SOD2: variants seen among roughly 807,000 people sequenced by gnomAD.
SOD2 encodes the protein superoxide dismutase [Mn], mitochondrial.
SOD2 carries 11 observed loss-of-function variants against 27.0 expected under a neutral mutation model. That is an observed-to-expected ratio of 0.41 (90% confidence interval 0.26 to 0.67). The LOEUF is 0.67. SOD2 is among the 30% of genes least tolerant of loss of function. The pLI, the probability that SOD2 is intolerant of heterozygous loss-of-function variation, is 0.34. For missense variants in SOD2, 250 were observed against 274.5 expected (o/e 0.91, Z 0.63); for synonymous variants, 105 against 103.0 (o/e 1.02, Z -0.12).
intron 1 of SOD2, among the ~76,000 whole-genome samples, chr6:159,751,786 G>C (rs1779830168): frequency 6.6e-6 from 1 of 152,164 alleles, no homozygotes; most frequent in South Asian, 2.1e-4. Context: ...ATGCAGCCAG[G>C]CACGGTGGCT....
chr6:159,761,988 G>T, exon 1 of SOD2: 3 of 1,377,450 alleles, frequency 2.2e-6, no homozygotes, highest in Non-Finnish European at 3.0e-6. Flanking sequence ...CGAGGGGCGG[G>T]GCTACCTCAG....
chr6:159,702,295 ATTT>A (rs112350033), intron 1 of SOD2, among the ~76,000 whole-genome samples: 1 of 142,648 alleles, frequency 7.0e-6, no homozygotes. Context: ...TCTGTATAAA[ATTT>A]TTTTTTTTTT....
upstream of SOD2, among the ~76,000 whole-genome samples, chr6:159,694,490 T>A (rs1181045826): frequency 1.3e-5 from 2 of 152,210 alleles, no homozygotes; most frequent in Non-Finnish European, 2.9e-5. Flanking sequence ...CAGGAAGGGC[T>A]GGGCTTGTTT....
intron 1 of SOD2, among the ~76,000 whole-genome samples, chr6:159,741,417 A>G (rs911843607): frequency 2.0e-5 from 3 of 152,332 alleles, no homozygotes; most frequent in Admixed American, 1.3e-4. Flanking sequence ...AAAAGAGCCA[A>G]GATAAAGAAC....
rs1263467292 is a variant in SOD2, at chr6:159,705,245, C to T, written c.-115-12382G>A. Among the ~76,000 whole-genome samples, 3 of 152,232 alleles carry T rather than the reference C, an allele frequency of 2.0e-5. No homozygotes were observed. In the South Asian group the frequency reaches 6.2e-4, roughly 32 times the overall value. On this transcript the variant is annotated intron_variant, in intron 1 of 2. Transcript: ENST00000401980. ...ATCTCCAAAGGAACACAGCTCCTCACCAGCAATGGAACAAAGCTGGACAGA... is the reference window on the plus strand; with the variant it reads ...ATCTCCAAAGGAACACAGCTCCTCATCAGCAATGGAACAAAGCTGGACAGA...
chr6:159,706,891 A>G (rs1005356660), intron 1 of SOD2, among the ~76,000 whole-genome samples: 7 of 152,232 alleles, frequency 4.6e-5, no homozygotes, highest in Non-Finnish European at 1.0e-4. Context: ...CAGCAAATGT[A>G]AAAGAACAGA....
intron 1 of SOD2, chr6:159,755,767 T>C: frequency 2.9e-6 from 1 of 343,092 alleles, no homozygotes; most frequent in Non-Finnish European, 4.0e-6. Flanking sequence ...TTTCTTTTCT[T>C]TTTTTTTTTT....
intron 1 of SOD2, among the ~76,000 whole-genome samples, chr6:159,708,511 C>T (rs1390656747): frequency 1.3e-5 from 2 of 152,282 alleles, no homozygotes; most frequent in Middle Eastern, 3.4e-3. Flanking sequence ...AGTGAACTCC[C>T]ATTCACAATT....
intron 1 of SOD2, chr6:159,743,645 ATT>A: frequency 6.4e-7 from 1 of 1,556,836 alleles, no homozygotes; most frequent in Non-Finnish European, 8.7e-7. Flanking sequence ...TGTATTTATA[ATT>A]TTTTTTTGAA....
chr6:159,752,012 G>A (rs1256680477), intron 1 of SOD2, among the ~76,000 whole-genome samples: 1 of 149,860 alleles, frequency 6.7e-6, no homozygotes, highest in Non-Finnish European at 1.5e-5. Context: ...CCAGTGAGCT[G>A]AGATCACGCC....
upstream of SOD2, among the ~76,000 whole-genome samples, chr6:159,729,386 A>C (rs1382886128): frequency 6.6e-6 from 1 of 152,224 alleles, no homozygotes; most frequent in Non-Finnish European, 1.5e-5. Flanking sequence ...TTAACACAGA[A>C]AAACTTTTCA....
At chr6:159,734,068 G>A (rs943040340) in intron 1 of SOD2, among the ~76,000 whole-genome samples, 1 of 152,184 alleles carries the variant, frequency 6.6e-6, no homozygotes, top group East Asian at 1.9e-4. Context: ...CATTTATAAA[G>A]TGGAGTTGAG....
chr6:159,694,055 C>T (rs1292882558), upstream of SOD2, among the ~76,000 whole-genome samples: 3 of 152,210 alleles, frequency 2.0e-5, no homozygotes, highest in Non-Finnish European at 2.9e-5. Context: ...TTCTCCTGGG[C>T]ACAGTTAACT....
intron 1 of SOD2, chr6:159,755,018 C>G: frequency 1.3e-6 from 2 of 1,599,986 alleles, no homozygotes; most frequent in Non-Finnish European, 1.7e-6. Flanking sequence ...TCTGACTCTC[C>G]TTTGCACAGA....
intron 2 of SOD2, 67 bp from the exon 3 acceptor site, chr6:159,688,309 A>AT: frequency 1.1e-6 from 1 of 943,286 alleles, no homozygotes. Flanking sequence ...TATACATTAT[A>AT]TTTTTTTCTT....
At chr6:159,760,233 AAG>A (rs1156460312) in intron 1 of SOD2, 1 of 152,186 alleles carries the variant, frequency 6.6e-6, no homozygotes. Flanking sequence ...AACAGGCTGG[AAG>A]AGTTTGGTTT....
At chr6:159,733,053 T>C (rs572642969) in intron 1 of SOD2, among the ~76,000 whole-genome samples, 1 of 152,104 alleles carries the variant, frequency 6.6e-6, no homozygotes, top group Non-Finnish European at 1.5e-5. Context: ...GAGTTAAATA[T>C]GGTGATGGTT....
chr6:159,694,127 T>C (rs1777370759), upstream of SOD2, among the ~76,000 whole-genome samples: 1 of 152,224 alleles, frequency 6.6e-6, no homozygotes, highest in Non-Finnish European at 1.5e-5. Context: ...TTTGTGTGTT[T>C]ACAGTAACTC....
At chr6:159,711,617 C>A (rs1777771220) in intron 1 of SOD2, among the ~76,000 whole-genome samples, 1 of 129,564 alleles carries the variant, frequency 7.7e-6, no homozygotes, top group African/African-American at 2.8e-5. Context: ...ATAACCACCA[C>A]TCAGCTGCTC....
Sources: allele counts gnomAD v4.1 joint callset (sites outside exome capture counted in the v4.1 genomes callset), GRCh38; gene constraint gnomAD v4.1.1; transcripts MANE v1.5; gene names NCBI Gene and HGNC (gene_info 2026-07-23, HGNC 2026-07-21).